ASPHD1: variants seen among roughly 807,000 people sequenced by gnomAD.
The protein encoded by ASPHD1 is aspartate beta-hydroxylase domain containing 1.
Under a neutral mutation model 28.3 loss-of-function variants are expected in ASPHD1, and 20 were observed. That is an observed-to-expected ratio of 0.71 (90% confidence interval 0.50 to 1.03). The LOEUF is 1.03. ASPHD1 is among the 50% of genes least tolerant of loss of function. The pLI is 0.00. For synonymous variants in ASPHD1, 240 were observed against 221.2 expected (o/e 1.08, Z -0.75); for missense variants, 479 against 524.1 (o/e 0.91, Z 0.84).
chr16:29,911,225 G>A (rs1487917062), intron 3 of ASPHD1: 2 of 1,428,094 alleles, frequency 1.4e-6, no homozygotes, highest in East Asian at 4.6e-5. Flanking sequence ...CCCTCCCTCT[G>A]TACCCCCAGA....
intron 1 of ASPHD1, among the ~76,000 whole-genome samples, chr16:29,903,041 CCAT>C (rs1028735888): frequency 1.1e-4 from 17 of 151,778 alleles, no homozygotes; most frequent in African/African-American, 2.4e-4. Context: ...GTGCCCACCA[CCAT>C]GCTTGGCTGA....
intron 3 of ASPHD1, chr16:29,911,688 C>A: frequency 1.0e-6 from 1 of 972,840 alleles, no homozygotes. Flanking sequence ...AGAGGCGAAG[C>A]CGAATCTGCG....
Position 29,915,837 on chromosome 16 carries a change from C to T in ASPHD1, c.*63-3694C>T, listed in dbSNP as rs546840124. Among the ~76,000 whole-genome samples, 11 of 152,254 alleles carry T rather than the reference C, an allele frequency of 7.2e-5. No individual in the cohort carries two copies. The East Asian group carries it at 2.1e-3, about 29-fold the overall frequency. ...TCAGCTTGACCTTTAGACCACATTT[C>T]CCTGTATTTAATGCCTTGTATTTAA... On this transcript the variant is annotated intron_variant and NMD_transcript_variant, in intron 3 of 3. Transcript: ENST00000414952.
chr16:29,915,207 G>C (rs2068788722), intron 3 of ASPHD1: 2 of 152,220 alleles, frequency 1.3e-5, no homozygotes, highest in Non-Finnish European at 2.9e-5. Context: ...GTAAAAGTTT[G>C]GGTGTGCAAA....
Position 29,901,822 on chromosome 16 carries a change from C to T in ASPHD1, c.851C>T (p.Ala284Val). 1 of 1,557,580 alleles carries T rather than the reference C, an allele frequency of 6.4e-7. No homozygotes were observed. Among genetic ancestry groups the T allele is most frequent in the Non-Finnish European group, 8.7e-7 (1 of 1,153,466 alleles). Residue 284 changes from alanine (A) to valine (V), a missense_variant, in exon 1 of 3, where the codon GCC becomes GTC. Physicochemically the swap from Ala to Val is moderately conservative, Grantham distance 64. Transcript: ENST00000308748. The surrounding 1 kb of genome is among the most constrained non-coding windows in gnomAD (Gnocchi z 5.1). Reference sequence around the variant, plus strand: ...AGGGGGCTTCGAAGCTTTATGAGTGCCAACACCTTCGGCAATGCCGGCTTT... The same window carrying T: ...AGGGGGCTTCGAAGCTTTATGAGTGTCAACACCTTCGGCAATGCCGGCTTT... ...ALRGLRSFMS[A>V]NTFGNAGFSV...
rs1333861072 is a variant in ASPHD1, at chr16:29,901,511, G to C, written c.540G>C (p.Gly180=). 14 of 1,594,084 alleles carry C rather than the reference G, an allele frequency of 8.8e-6. No individual in the cohort carries two copies. The highest frequency in any genetic ancestry group is 1.2e-5 in the Non-Finnish European group (14 of 1,174,664). Residue 180 remains glycine, a synonymous_variant, in exon 1 of 3, where the codon GGG becomes GGC. Coordinates refer to ENST00000308748, the MANE Select transcript of ASPHD1 (RefSeq NM_181718.4). This position sits in a 1 kb window ranked among gnomAD's most constrained non-coding sequence, Gnocchi z 5.1. ...QGGPGPGRGP[G]VLGIQRPGLL... ...GCCCAGGCCCTGGGAGAGGGCCAGG[G>C]GTCCTAGGTATTCAGCGCCCAGGCC... is the stretch of plus-strand genomic sequence containing the variant.
chr16:29,913,400 T>C (rs1341553820), intron 3 of ASPHD1: 1 of 152,152 alleles, frequency 6.6e-6, no homozygotes, highest in Admixed American at 6.5e-5. Flanking sequence ...CCACTGTGTA[T>C]ATGAGAATTG....
At chr16:29,905,716 T>G in intron 2 of ASPHD1, 72 bp from the exon 3 acceptor site, 1 of 928,086 alleles carries the variant, frequency 1.1e-6, no homozygotes, top group Non-Finnish European at 1.7e-6. Flanking sequence ...GCTTTTATGG[T>G]GTTTGGTGAG....
intron 3 of ASPHD1, among the ~76,000 whole-genome samples, chr16:29,912,771 TCTGA>T (rs1159631608): frequency 2.0e-5 from 3 of 152,228 alleles, no homozygotes; most frequent in African/African-American, 7.2e-5. Context: ...GCAGTTAGTG[TCTGA>T]CTTTTTCTAA....
At chr16:29,917,416 G>A (rs1054753819) in intron 3 of ASPHD1, among the ~76,000 whole-genome samples, 6 of 152,188 alleles carry the variant, frequency 3.9e-5, no homozygotes, top group African/African-American at 1.4e-4. Flanking sequence ...GGAGGCCGAA[G>A]TGGGCAGATC....
Position 29,900,642 on chromosome 16 carries a change from T to G in ASPHD1, c.-330T>G. 2.5e-6 allele frequency: 1 copy of G among 398,696 alleles called. No homozygotes were observed. Among genetic ancestry groups the G allele is most frequent in the Non-Finnish European group, 4.6e-6 (1 of 218,276 alleles). 24.7% of individuals were successfully genotyped at this position (398,696 alleles called of 1,614,324 possible). Reference sequence around the variant, plus strand: ...GGCAGGACCGCAGGGTCGGGGCTAGTGAGGAGCGAGGGCAAGGAGAGAGCA... The same window carrying G: ...GGCAGGACCGCAGGGTCGGGGCTAGGGAGGAGCGAGGGCAAGGAGAGAGCA... On this transcript the variant is annotated 5_prime_UTR_variant, in exon 1 of 3. Coordinates refer to ENST00000308748, the MANE Select transcript of ASPHD1 (RefSeq NM_181718.4).
rs909585943 is a variant in ASPHD1, at chr16:29,904,964, TG to T, written c.1063+1del. ...CTTTTCTACACACAGTGGCTCACAA[TG>T]GTAACGGGGTGCCCATTCTGCAGGG... ...DSFLHTVAHN[G>X]SPEDGPRVVF... On this transcript the variant is annotated frameshift_variant and splice_region_variant, in exon 2 of 3. Coordinates refer to ENST00000308748, the MANE Select transcript of ASPHD1 (RefSeq NM_181718.4). LOFTEE classifies it high-confidence loss of function. 1 of 1,610,854 alleles carries T rather than the reference TG, an allele frequency of 6.2e-7. No homozygotes were observed. Among genetic ancestry groups the T allele is most frequent in the African/African-American group, 1.3e-5 (1 of 74,766 alleles).
At chr16:29,902,441 T>C (rs2068561657) in intron 1 of ASPHD1, among the ~76,000 whole-genome samples, 1 of 152,194 alleles carries the variant, frequency 6.6e-6, no homozygotes, top group Non-Finnish European at 1.5e-5. Context: ...AAGCTGAAAT[T>C]TAAAAAAGAA....
chr16:29,912,838 G>C (rs899681489), intron 3 of ASPHD1, among the ~76,000 whole-genome samples: 2 of 152,214 alleles, frequency 1.3e-5, no homozygotes, highest in African/African-American at 4.8e-5. Context: ...TAACTACCTA[G>C]TATACAGCTG....
chr16:29,903,128 G>T (rs989486339), intron 1 of ASPHD1, among the ~76,000 whole-genome samples: 42 of 151,572 alleles, frequency 2.8e-4, no homozygotes, highest in Admixed American at 6.6e-4. Context: ...GGCTGAGGCA[G>T]GCGGATCACC....
intron 3 of ASPHD1, among the ~76,000 whole-genome samples, chr16:29,916,939 C>T (rs910439572): frequency 4.6e-5 from 7 of 152,170 alleles, no homozygotes; most frequent in African/African-American, 1.7e-4. Context: ...CAGTTCCTCA[C>T]CAAGTGGACC....
intron 3 of ASPHD1, among the ~76,000 whole-genome samples, chr16:29,917,113 A>G (rs1010403563): frequency 8.5e-5 from 13 of 152,072 alleles, no homozygotes; most frequent in Admixed American, 2.0e-4. Flanking sequence ...CTTGGTGAGG[A>G]TCTGAAAAGG....
chr16:29,901,261 G>A lies in ASPHD1; in HGVS notation c.290G>A (p.Arg97His), dbSNP rs150342901. 4 of 1,613,176 alleles carry A rather than the reference G, an allele frequency of 2.5e-6. No homozygotes were observed. In the African/African-American group the frequency reaches 4.0e-5, roughly 16 times the overall value. The change falls in exon 1 of 3, where the codon CGC becomes CAC. Residue 97 changes from arginine (R) to histidine (H), a missense_variant. By Grantham distance (29) the Arg-to-His change is conservative. Transcript: ENST00000308748. This position sits in a 1 kb window ranked among gnomAD's most constrained non-coding sequence, Gnocchi z 5.1. ...TCCCTGTTCCTCTGGTACTGCTACC[G>A]CCTGGGCTCCCAAGACATGCAGGCC... ...LTSLFLWYCY[R>H]LGSQDMQALG...
At position 29,905,787 on chromosome 16, in the gene ASPHD1, G is replaced by C; in HGVS notation, c.1064-1G>C. The C allele has an allele frequency of 2.5e-6, 4 of 1,613,278 alleles. No homozygotes were observed. In the East Asian group the frequency reaches 8.9e-5, roughly 36 times the overall value. On this transcript the variant is annotated splice_acceptor_variant, in intron 2 of 2. Coordinates refer to ENST00000308748, the MANE Select transcript of ASPHD1 (RefSeq NM_181718.4). LOFTEE classifies it high-confidence loss of function. ...TGCTGTTCCTGTCCCATGTGCCCTA[G>C]GCTCCCCCGAAGATGGGCCTCGAGT...
Sources: allele counts gnomAD v4.1 joint callset (sites outside exome capture counted in the v4.1 genomes callset), GRCh38; gene constraint gnomAD v4.1.1; non-coding constraint Gnocchi (gnomAD v3.1); transcripts MANE v1.5; gene names NCBI Gene and HGNC (gene_info 2026-07-23, HGNC 2026-07-21).